Variants in RSPH6A observed in about 807,000 individuals in gnomAD.
The protein encoded by RSPH6A is radial spoke head 6 homolog A.
Under a neutral mutation model 66.1 loss-of-function variants are expected in RSPH6A, and 49 were observed. The observed-to-expected ratio is 0.74, with a 90% confidence interval of 0.59 to 0.94. RSPH6A has a LOEUF of 0.94. Ranked by LOEUF, RSPH6A falls within the 40% of genes least tolerant of loss-of-function variation. The pLI, the probability that RSPH6A is intolerant of heterozygous loss-of-function variation, is 0.00. For missense variants in RSPH6A, 977 were observed against 948.3 expected, an observed-to-expected ratio of 1.03 and a Z score of -0.40; for synonymous variants, 419 against 402.4, an observed-to-expected ratio of 1.04 and a Z score of -0.49.
intron 2 of RSPH6A, among the ~76,000 whole-genome samples, chr19:45,808,547 C>T (rs1475766012): frequency 6.6e-6 from 1 of 151,628 alleles, no homozygotes; most frequent in African/African-American, 2.4e-5. Context: ...GAGCTGAGTT[C>T]ACACCACTGT....
rs1970521857 is a variant in RSPH6A, at chr19:45,804,844, C to T, written c.1061G>A (p.Ser354Asn). 1 of 1,614,210 alleles carries T rather than the reference C, an allele frequency of 6.2e-7. No homozygotes were observed. Among genetic ancestry groups the T allele is most frequent in the Non-Finnish European group, 8.5e-7 (1 of 1,180,038 alleles). Residue 354 changes from serine to asparagine, a missense_variant, in exon 3 of 6, where the codon AGC becomes AAC. Coordinates refer to ENST00000221538, the MANE Select transcript of RSPH6A (RefSeq NM_030785.4). The surrounding 1 kb of genome is among the most constrained non-coding windows in gnomAD (Gnocchi z 5.8). The part of the protein sequence containing the change: ...FWGKILGIKR[S>N]YLVAEVEFRE... ...GAATTCCACCTCGGCCACCAGGTAG[C>T]TGCGTTTGATTCCCAGGATCTTGCC...
chr19:45,798,652 C>A (rs2146280753), intron 5 of RSPH6A, among the ~76,000 whole-genome samples: 1 of 151,086 alleles, frequency 6.6e-6, no homozygotes, highest in East Asian at 2.0e-4. Flanking sequence ...TCCTGGCTAA[C>A]ACGGTGAAAC....
intron 2 of RSPH6A, among the ~76,000 whole-genome samples, chr19:45,807,409 G>A (rs559612993): frequency 6.6e-6 from 1 of 151,938 alleles, no homozygotes; most frequent in Admixed American, 6.6e-5. Flanking sequence ...TGGAGACAGG[G>A]TTTCACCATG....
rs745826525 is a variant in RSPH6A at position 45,810,811 on chromosome 19, T to C, written c.680A>G (p.Lys227Arg). The C allele has an allele frequency of 1.9e-6, 3 of 1,611,962 alleles. No individual in the cohort carries two copies. In the Admixed American group the frequency reaches 5.0e-5, roughly 27 times the overall value. The change falls in exon 2 of 6, where the codon AAG (lysine) becomes AGG (arginine). Residue 227 changes from lysine (K) to arginine (R), a missense_variant. Lys to Arg is a conservative substitution (Grantham distance 26). Coordinates refer to ENST00000221538, the MANE Select transcript of RSPH6A (RefSeq NM_030785.4). ...LYEHLVNLLT[K>R]ILNQRPEDPL... The stretch of plus-strand genomic sequence containing the variant: ...GTCCTCAGGCCGCTGGTTCAGGATC[T>C]TGGTCAGCAGATTCACCAGGTGCTC...
chr19:45,797,200 C>T (rs1970417509), intron 5 of RSPH6A, among the ~76,000 whole-genome samples: 1 of 151,366 alleles, frequency 6.6e-6, no homozygotes, highest in Admixed American at 6.6e-5. Context: ...CACGGTGAAA[C>T]CCCGTCTCTA....
At chr19:45,812,930 G>C (rs762212226) in intron 1 of RSPH6A, among the ~76,000 whole-genome samples, 1 of 151,748 alleles carries the variant, frequency 6.6e-6, no homozygotes, top group African/African-American at 2.4e-5. Context: ...TCCTGACTTC[G>C]AGTTATCTGT....
In RSPH6A at chr19:45,812,236, G is replaced by A. The variant is rs1016492642; in HGVS notation, c.651-1396C>T. Reference sequence around the variant, plus strand: ...ACTCCCCAGAGCTGGGATTACACGTGTGCCAACATGCCTGGCTAATTTTTG... The same window carrying A: ...ACTCCCCAGAGCTGGGATTACACGTATGCCAACATGCCTGGCTAATTTTTG... On this transcript the variant is annotated intron_variant, in intron 1 of 5. Transcript: ENST00000221538. Among the ~76,000 whole-genome samples, 27 of 151,468 alleles carry A rather than the reference G, an allele frequency of 1.8e-4. 1 individual carries two copies. Among genetic ancestry groups the A allele is most frequent in the Non-Finnish European group, 4.4e-5 (3 of 67,872 alleles).
rs750753917 is a variant in RSPH6A, at chr19:45,802,208, C to T, written c.1710G>A (p.Gly570=). ...CCTCATCTGCCTTCTCTTCCTCCTC[C>T]CCCAGGTCCTCCTCCTCCTCTGTCT... ...LQKTEEEEDL[G]EEEEKADEGP... Residue 570 remains glycine (G), a synonymous_variant, in exon 4 of 6, where the codon GGG becomes GGA. Transcript: ENST00000221538. 1 of 1,550,444 alleles carries T rather than the reference C, an allele frequency of 6.4e-7. No homozygotes were observed. The highest frequency in any genetic ancestry group is 1.2e-5 in the South Asian group (1 of 83,232).
In RSPH6A at chr19:45,795,905, G is replaced by GCCCTCCTCCTCCTCCTCC. The variant is rs774743012; in HGVS notation, c.2117_2118insGGAGGAGGAGGAGGAGGG (p.Glu707_Gly712dup). Reference sequence around the variant, plus strand: ...TCTCCTCGCCCTCCTCCTCCTCCTCGCCCTCCTCCTCCTCCTCTGTGGCTC... The same window carrying GCCCTCCTCCTCCTCCTCC: ...TCTCCTCGCCCTCCTCCTCCTCCTCGCCCTCCTCCTCCTCCTCCCCCTCCTCCTCCTCCTCTGTGGCTC... On this transcript the variant is annotated inframe_insertion, in exon 6 of 6. Transcript: ENST00000221538. The GCCCTCCTCCTCCTCCTCC allele has an allele frequency of 6.2e-7, 1 of 1,611,372 alleles. No individual in the cohort carries two copies. The highest frequency in any genetic ancestry group is 1.1e-5 in the South Asian group (1 of 90,798).
Position 45,814,828 on chromosome 19 carries a change from TGG to T in RSPH6A, c.347_348del (p.Thr116LysfsTer43). 1 of 1,614,062 alleles carries T rather than the reference TGG, an allele frequency of 6.2e-7. No homozygotes were observed. Among genetic ancestry groups the T allele is most frequent in the African/African-American group, 1.3e-5 (1 of 75,046 alleles). On this transcript the variant is annotated frameshift_variant, in exon 1 of 6. Transcript: ENST00000221538. LOFTEE classifies it high-confidence loss of function. ...TGCTGGAGCCGCTGCAGCATTAGGC[TGG>T]TGGTGAGCTCGGCGACCTGCATCCT... Reference protein sequence around the residue: ...ESRMQVAELTTSLMLQRLQQG... With the variant: ...ESRMQVAELTXSLMLQRLQQG...
In RSPH6A at chr19:45,795,943, C is replaced by T; in HGVS notation, c.2080G>A (p.Glu694Lys). ...TCCTCTGTGGCTCCCAGGGCTTGTT[C>T]CTGGGCTGCTTTCAGAGCCTGCTCC... Reference protein sequence around the residue: ...EEEQALKAAQEQALGATEEEE... With the variant: ...EEEQALKAAQKQALGATEEEE... The change falls in exon 6 of 6, where the codon GAA becomes AAA. Residue 694 changes from glutamate (E) to lysine (K), a missense_variant. By Grantham distance (56) the Glu-to-Lys change is moderately conservative. Transcript: ENST00000221538. The T allele has an allele frequency of 6.3e-7, 1 of 1,596,154 alleles. No individual in the cohort carries two copies. Among genetic ancestry groups the T allele is most frequent in the South Asian group, 1.1e-5 (1 of 90,092 alleles).
chr19:45,808,910 A>AC (rs1229208689), intron 2 of RSPH6A, among the ~76,000 whole-genome samples: 1 of 151,036 alleles, frequency 6.6e-6, no homozygotes, highest in Non-Finnish European at 1.5e-5. Context: ...CAGGTGATCC[A>AC]CCTGCCTCGG....
chr19:45,814,755 G>T lies in RSPH6A; in HGVS notation c.422C>A (p.Pro141His). Reference protein sequence around the residue: ...FQQLDPTFQEPPVNPLGQFNL... With the variant: ...FQQLDPTFQEHPVNPLGQFNL... Reference sequence around the variant, plus strand: ...GAACTGGCCCAAGGGGTTGACTGGGGGCTCCTGGAAGGTGGGGTCCAGTTG... The same window carrying T: ...GAACTGGCCCAAGGGGTTGACTGGGTGCTCCTGGAAGGTGGGGTCCAGTTG... Residue 141 changes from proline to histidine, a missense_variant, in exon 1 of 6, where the codon CCC (proline) becomes CAC (histidine). Pro to His is a moderately conservative substitution (Grantham distance 77). Coordinates refer to ENST00000221538, the MANE Select transcript of RSPH6A (RefSeq NM_030785.4). 6.2e-7 allele frequency: 1 copy of T among 1,613,878 alleles called. No individual in the cohort carries two copies. The highest frequency in any genetic ancestry group is 1.1e-5 in the South Asian group (1 of 90,994).
At position 45,815,053 on chromosome 19, in the gene RSPH6A, C is replaced by T. The variant is rs779379990; in HGVS notation, c.124G>A (p.Glu42Lys). The part of the protein sequence containing the change: ...QAQALAADPE[E>K]RQQIPPDAQR... ...GCGTCTGGAGGTATCTGCTGCCTCT[C>T]CTCGGGGTCCGCTGCCAGGGCCTGA... The change falls in exon 1 of 6, where the codon GAG becomes AAG. Residue 42 changes from glutamate (E) to lysine (K), a missense_variant. Physicochemically the swap from Glu to Lys is moderately conservative, Grantham distance 56. Coordinates refer to ENST00000221538, the MANE Select transcript of RSPH6A (RefSeq NM_030785.4). The T allele has an allele frequency of 5.4e-5, 87 of 1,613,558 alleles. 1 individual carries two copies. In the South Asian group the frequency reaches 9.1e-4, roughly 17 times the overall value.
chr19:45,813,549 T>C (rs1970657526), intron 1 of RSPH6A, among the ~76,000 whole-genome samples: 1 of 152,210 alleles, frequency 6.6e-6, no homozygotes, highest in African/African-American at 2.4e-5. Context: ...TTCGCCATGT[T>C]GGCAAGGCTG....
chr19:45,811,138 C>T (rs879753448), intron 1 of RSPH6A, among the ~76,000 whole-genome samples: 9 of 152,030 alleles, frequency 5.9e-5, no homozygotes, highest in Non-Finnish European at 1.2e-4. Flanking sequence ...GGATTATAGG[C>T]GCCCGCCACC....
intron 2 of RSPH6A, among the ~76,000 whole-genome samples, chr19:45,808,774 G>A (rs1284451692): frequency 3.6e-5 from 5 of 139,278 alleles, no homozygotes; most frequent in African/African-American, 1.1e-4. Context: ...CCATTCTCCC[G>A]CCTCAGCCTC....
At position 45,810,850 on chromosome 19, in the gene RSPH6A, G is replaced by A. The variant is rs542799954; in HGVS notation, c.651-10C>T. On this transcript the variant is annotated splice_polypyrimidine_tract_variant and intron_variant, in intron 1 of 5. Transcript: ENST00000221538. ...CACCAGGTGCTCGTACCTGCCTCCC[G>A]CAGGAGGAGTGGGAGGAGAGGGACC... The A allele has an allele frequency of 2.0e-5, 32 of 1,598,358 alleles. No homozygotes were observed. Among genetic ancestry groups the A allele is most frequent in the South Asian group, 4.4e-5 (4 of 89,994 alleles).
At position 45,796,234 on chromosome 19, in the gene RSPH6A, A is replaced by G. The variant is rs929644789; in HGVS notation, c.1917-128T>C. 24 of 621,886 alleles carry G rather than the reference A, an allele frequency of 3.9e-5. 1 individual carries two copies. Among genetic ancestry groups the G allele is most frequent in the Non-Finnish European group, 6.1e-5 (24 of 395,544 alleles). The allele number at this position is 621,886 out of a possible 1,614,324, so 38.5% of individuals were successfully genotyped here. ...AGTGGTGTGATCTCGACTTACTGCA[A>G]CCTCTGCCTCCCAGGTTCAAGCGAT... On this transcript the variant is annotated intron_variant, in intron 5 of 5. Transcript: ENST00000221538.
Sources: gnomAD v4.1 joint callset for allele counts (sites outside exome capture counted in the v4.1 genomes callset) on GRCh38, gnomAD v4.1.1 for gene constraint, Gnocchi (gnomAD v3.1) non-coding constraint, MANE v1.5 for transcripts, NCBI Gene and HGNC (gene_info 2026-07-23, HGNC 2026-07-21) for gene names.